PKD1L1: variants seen among roughly 807,000 people sequenced by gnomAD.
The protein encoded by PKD1L1 is polycystin 1 like 1, transient receptor potential channel interacting.
A neutral mutation model predicts 323.4 loss-of-function variants in PKD1L1; 236 were observed. The observed-to-expected ratio is 0.73, with a 90% CI of 0.66 to 0.81. PKD1L1 has a LOEUF of 0.81. PKD1L1 is among the 40% of genes least tolerant of loss of function. The pLI, the probability that PKD1L1 is intolerant of heterozygous loss-of-function variation, is 0.00. For synonymous variants in PKD1L1, 1,344 were observed against 1,335.0 expected (o/e 1.01, Z -0.15); for missense variants, 3,320 against 3,508.0 (o/e 0.95, Z 1.35).
chr7:47,929,488 CTGGGGGTG>C lies in PKD1L1; in HGVS notation c.768_775del (p.Thr257LeufsTer9). ...AGAACCAGACTGCGATGCCGTGAAG[CTGGGGGTG>C]CGAGGAATGCCAGGCGGAAGGCCGT... is the stretch of plus-strand genomic sequence containing the variant. On this transcript the variant is annotated frameshift_variant, in exon 7 of 57. Transcript: ENST00000289672. LOFTEE classifies it high-confidence loss of function. 1.2e-6 allele frequency: 2 copies of C among 1,614,020 alleles called. No homozygotes were observed. The highest frequency in any genetic ancestry group is 1.7e-6 in the Non-Finnish European group (2 of 1,179,944).
intron 26 of PKD1L1, among the ~76,000 whole-genome samples, chr7:47,862,293 G>A (rs1786049156): frequency 6.6e-6 from 1 of 152,188 alleles, no homozygotes. Context: ...TGCTTATAAA[G>A]ACAGATCATC....
Position 47,811,975 on chromosome 7 carries a change from G to A in PKD1L1, c.7423C>T (p.His2475Tyr), listed in dbSNP as rs1355099762. The change falls in exon 50 of 57, where the codon CAC becomes TAC. Residue 2475 changes from histidine (H) to tyrosine (Y), a missense_variant. By Grantham distance (83) the His-to-Tyr change is moderately conservative (BLOSUM62 2). Transcript: ENST00000289672. ...GTTGGAGGGTTATAGAGAGTGAAGTGCACAGACACAGCCCTGGTGCTGCGG... is the reference window on the plus strand; with the variant it reads ...GTTGGAGGGTTATAGAGAGTGAAGTACACAGACACAGCCCTGGTGCTGCGG... ...IDRSTRAVSVHFTLYNPPTQL... is the reference protein window; with the variant it reads ...IDRSTRAVSVYFTLYNPPTQL... 1 of 1,598,502 alleles carries A rather than the reference G, an allele frequency of 6.3e-7. No homozygotes were observed.
chr7:47,906,798 CAT>C (rs1256961141), intron 9 of PKD1L1, among the ~76,000 whole-genome samples: 1 of 151,862 alleles, frequency 6.6e-6, no homozygotes. Flanking sequence ...AAATAAATAT[CAT>C]ATGACTAAAA....
At chr7:47,896,451 T>C (rs962678049) in intron 14 of PKD1L1, among the ~76,000 whole-genome samples, 8 of 151,784 alleles carry the variant, frequency 5.3e-5, no homozygotes, top group South Asian at 2.1e-4. Context: ...TAATGAGGCA[T>C]ATCTGACCTT....
In PKD1L1 at chr7:47,796,216, G is replaced by A. The variant is rs6943728; in HGVS notation, c.8194-66C>T. On this transcript the variant is annotated intron_variant, in intron 54 of 56. Transcript: ENST00000289672. ...AGCCTAAATAAAGAGCTTTGTTAAC[G>A]TGATAAACTATGCAATGGAGATTAT... The A allele has an allele frequency of 0.48, 642,870 of 1,326,426 alleles. 157,595 individuals are homozygous for A. Among genetic ancestry groups the A allele is most frequent in the East Asian group, 0.59 (25,390 of 42,966 alleles). The allele number at this position is 1,326,426 out of a possible 1,614,324, so 82.2% of individuals were successfully genotyped here.
intron 7 of PKD1L1, among the ~76,000 whole-genome samples, chr7:47,928,578 G>C (rs1251301178): frequency 6.6e-6 from 1 of 151,760 alleles, no homozygotes; most frequent in Non-Finnish European, 1.5e-5. Flanking sequence ...TCAGAAAAAA[G>C]GAAGAAAGAA....
intron 1 of PKD1L1, among the ~76,000 whole-genome samples, chr7:47,945,896 G>C (rs903547114): frequency 6.6e-6 from 1 of 152,188 alleles, no homozygotes; most frequent in Non-Finnish European, 1.5e-5. Flanking sequence ...CCCTTGAGAA[G>C]TAATTTTCTG....
intron 1 of PKD1L1, among the ~76,000 whole-genome samples, chr7:47,945,850 A>G (rs1307482803): frequency 6.6e-6 from 1 of 152,142 alleles, no homozygotes; most frequent in African/African-American, 2.4e-5. Flanking sequence ...TGCTACACAC[A>G]GAAAACACCA....
Position 47,843,054 on chromosome 7 carries a change from T to C in PKD1L1, c.5353A>G (p.Ile1785Val). Reference sequence around the variant, plus strand: ...GGCAGGGAAGCTTCTTGCAGAAAGATGTAACCAGCTTTCTTTTTTTCATGA... The same window carrying C: ...GGCAGGGAAGCTTCTTGCAGAAAGACGTAACCAGCTTTCTTTTTTTCATGA... Reference protein sequence around the residue: ...DHHEKKKAGYIFLQEASLPGH... With the variant: ...DHHEKKKAGYVFLQEASLPGH... Residue 1785 changes from isoleucine (I) to valine (V), a missense_variant, in exon 34 of 57, where the codon ATC becomes GTC. By Grantham distance (29) the Ile-to-Val change is conservative. Coordinates refer to ENST00000289672, the MANE Select transcript of PKD1L1 (RefSeq NM_138295.5). 2 of 1,614,014 alleles carry C rather than the reference T, an allele frequency of 1.2e-6. No homozygotes were observed. The highest frequency in any genetic ancestry group is 1.1e-5 in the South Asian group (1 of 91,080).
chr7:47,902,077 T>G (rs1359250060), intron 13 of PKD1L1, among the ~76,000 whole-genome samples: 1 of 139,302 alleles, frequency 7.2e-6, no homozygotes, highest in Non-Finnish European at 1.5e-5. Flanking sequence ...AGAAAAGAGC[T>G]CCTTAAAGTG....
At chr7:47,855,356 A>G (rs1476038535) in intron 28 of PKD1L1, 91 bp from the exon 29 acceptor site, 14 of 837,750 alleles carry the variant, frequency 1.7e-5, no homozygotes, top group Middle Eastern at 3.0e-4. Context: ...TGGTGCTGCT[A>G]TTACACTTAC....
intron 19 of PKD1L1, 44 bp from the exon 20 acceptor site, chr7:47,882,129 C>A (rs890120985): frequency 6.3e-7 from 1 of 1,589,770 alleles, no homozygotes; most frequent in African/African-American, 1.3e-5. Flanking sequence ...GAAAAAAAGT[C>A]ATGATGATCT....
In PKD1L1 at chr7:47,831,145, C is replaced by T. The variant is rs1463871391; in HGVS notation, c.6473+72G>A. On this transcript the variant is annotated intron_variant, in intron 42 of 56. Coordinates refer to ENST00000289672, the MANE Select transcript of PKD1L1 (RefSeq NM_138295.5). ...TGCATCTGATGAGTTCCCAGAAATG[C>T]AGGGATTTGTTTACAAATGCGAGAC... The T allele has an allele frequency of 1.2e-5, 19 of 1,534,654 alleles. No individual in the cohort carries two copies. In the East Asian group the frequency reaches 3.6e-4, roughly 29 times the overall value.
chr7:47,786,810 A>C (rs961790073), intron 56 of PKD1L1, among the ~76,000 whole-genome samples: 7 of 152,186 alleles, frequency 4.6e-5, no homozygotes, highest in African/African-American at 1.7e-4. Context: ...CTGCCCAATC[A>C]GCAGCAGCCC....
In PKD1L1 at chr7:47,827,467, A is replaced by G. The variant is rs771285612; in HGVS notation, c.6737T>C (p.Val2246Ala). 2 of 1,606,462 alleles carry G rather than the reference A, an allele frequency of 1.2e-6. No homozygotes were observed. The highest frequency in any genetic ancestry group is 1.3e-5 in the African/African-American group (1 of 75,000). Residue 2246 changes from valine to alanine, a missense_variant and splice_region_variant, in exon 45 of 57, where the codon GTC becomes GCC. Transcript: ENST00000289672. The stretch of plus-strand genomic sequence containing the variant: ...GCGAGCTTGTTGTCGGGCAGCCAAG[A>G]CCTGTCAGGGACAAGAGTGCTGTGA... Reference protein sequence around the residue: ...IPDCAGEVEKVLAARQQARHL... With the variant: ...IPDCAGEVEKALAARQQARHL...
intron 50 of PKD1L1, among the ~76,000 whole-genome samples, chr7:47,810,731 A>C (rs557711950): frequency 6.6e-6 from 1 of 152,238 alleles, no homozygotes; most frequent in Non-Finnish European, 1.5e-5. Context: ...GAAAATCAGG[A>C]AAGTTCCCAA....
At position 47,905,304 on chromosome 7, in the gene PKD1L1, C is replaced by CA. The variant is rs1380785762; in HGVS notation, c.1543_1544insT (p.Gly515ValfsTer25). On this transcript the variant is annotated frameshift_variant, in exon 11 of 57. Coordinates refer to ENST00000289672, the MANE Select transcript of PKD1L1 (RefSeq NM_138295.5). LOFTEE classifies it high-confidence loss of function. ...GTCTGTGTCTGTGGCAAACACAGTT[C>CA]CATTTGTGTAGACAGAGACGGCTGT... is the stretch of plus-strand genomic sequence containing the variant. 17 of 1,613,834 alleles carry CA rather than the reference C, an allele frequency of 1.1e-5. No individual in the cohort carries two copies. Among genetic ancestry groups the CA allele is most frequent in the Non-Finnish European group, 1.4e-5 (17 of 1,179,952 alleles).
chr7:47,864,342 T>A (rs1007890076), intron 26 of PKD1L1, among the ~76,000 whole-genome samples: 1 of 151,944 alleles, frequency 6.6e-6, no homozygotes, highest in Non-Finnish European at 1.5e-5. Context: ...TGCGTGCTCT[T>A]CTCATCTCTC....
chr7:47,797,013 A>C (rs1415944903), intron 54 of PKD1L1, among the ~76,000 whole-genome samples: 1 of 135,544 alleles, frequency 7.4e-6, no homozygotes, highest in East Asian at 3.0e-4. Flanking sequence ...AAAAAAAAAA[A>C]AAACACCCAA....
Sources: allele counts gnomAD v4.1 joint callset (sites outside exome capture counted in the v4.1 genomes callset), GRCh38; gene constraint gnomAD v4.1.1; transcripts MANE v1.5; gene names NCBI Gene and HGNC (gene_info 2026-07-23, HGNC 2026-07-21).